The following CIT variants were observed in gnomAD, a reference collection of about 807,000 sequenced individuals.
The protein encoded by CIT is citron Rho-interacting kinase.
Under a neutral mutation model 272.7 loss-of-function variants are expected in CIT, and 79 were observed. The observed-to-expected ratio is 0.29, with a 90% CI of 0.24 to 0.35. CIT has a LOEUF of 0.35. Ranked by LOEUF, CIT falls within the 10% of genes least tolerant of loss-of-function variation. The pLI is 1.00. For synonymous variants in CIT, 948 were observed against 995.6 expected (o/e 0.95, Z 0.90); for missense variants, 1,909 against 2,618.3 (o/e 0.73, Z 5.91).
chr12:119,718,120 G>C lies in CIT; in HGVS notation c.4168+125C>G. ...CTCCCAAAGTGCTGGGGTTACAGGT[G>C]TGAGCCACCGTGCCTGGCCAAGACT... On this transcript the variant is annotated intron_variant, in intron 32 of 47. Coordinates refer to ENST00000392521, the MANE Select transcript of CIT (RefSeq NM_001206999.2). This position sits in a 1 kb window ranked among gnomAD's most constrained non-coding sequence, Gnocchi z 4.8. 1 of 1,137,028 alleles carries C rather than the reference G, an allele frequency of 8.8e-7. No individual in the cohort carries two copies. Among genetic ancestry groups the C allele is most frequent in the South Asian group, 1.6e-5 (1 of 62,006 alleles). 70.4% of individuals were successfully genotyped at this position (1,137,028 alleles called of 1,614,324 possible).
At chr12:119,794,996 C>CAGCCCACGTCTGTCTGATTCCAA (rs1209632503) in intron 10 of CIT, among the ~76,000 whole-genome samples, 1 of 152,214 alleles carries the variant, frequency 6.6e-6, no homozygotes, top group Non-Finnish European at 1.5e-5. Context: ...ACCCTGAGTT[C>CAGCCCACGTCTGTCTGATTCCAA]AGCCCACGTC....
intron 13 of CIT, among the ~76,000 whole-genome samples, chr12:119,778,649 C>G (rs183097732): frequency 6.6e-5 from 10 of 152,080 alleles, no homozygotes; most frequent in South Asian, 2.1e-4. Context: ...GACGCCCCCC[C>G]CCCAGAGCAT....
intron 2 of CIT, among the ~76,000 whole-genome samples, chr12:119,870,527 G>A (rs1950638762): frequency 8.4e-6 from 1 of 119,566 alleles, no homozygotes; most frequent in Non-Finnish European, 1.6e-5. Flanking sequence ...TCCAGCCTAG[G>A]CAACACAGTG....
Position 119,718,375 on chromosome 12 carries a change from T to G in CIT, c.4038A>C (p.Pro1346=). ...GCTGCCTCGCGGTGGCTGGCGTGGA[T>G]GGGTGTGGGTGGTCCGTTGCTTTGC... The part of the protein sequence containing the change: ...AHRKATDHPH[P]STPATARQQI... Residue 1346 remains proline (P), a synonymous_variant, in exon 32 of 48, where the codon CCA becomes CCC. Transcript: ENST00000392521. The surrounding 1 kb of genome is among the most constrained non-coding windows in gnomAD (Gnocchi z 4.8). 1 of 1,613,668 alleles carries G rather than the reference T, an allele frequency of 6.2e-7. No homozygotes were observed. Among genetic ancestry groups the G allele is most frequent in the Middle Eastern group, 1.7e-4 (1 of 5,976 alleles).
At chr12:119,703,758 C>A (rs1042745697) in intron 41 of CIT, among the ~76,000 whole-genome samples, 2 of 152,046 alleles carry the variant, frequency 1.3e-5, no homozygotes, top group Non-Finnish European at 1.5e-5. Flanking sequence ...CATGAAAGCA[C>A]CAGAAATATA....
intron 3 of CIT, among the ~76,000 whole-genome samples, chr12:119,863,965 G>A (rs996212209): frequency 8.6e-5 from 13 of 152,028 alleles, no homozygotes; most frequent in African/African-American, 2.2e-4. Flanking sequence ...ATTCGCTGGC[G>A]CCTTGATCTT....
rs1239078759 is a variant in CIT, at chr12:119,708,304, G to A, written c.5086C>T (p.Leu1696=). The A allele has an allele frequency of 1.9e-6, 3 of 1,595,276 alleles. No individual in the cohort carries two copies. Among genetic ancestry groups the A allele is most frequent in the South Asian group, 1.1e-5 (1 of 88,056 alleles). ...LLMIAGEERA[L]CLVDVKKVKQ... is the part of the protein sequence containing the mutation. ...ACTTTCTTCACGTCCACAAGACACA[G>A]TGCCCGCTCTTCTCCTGAACAGGAA... is the stretch of plus-strand genomic sequence containing the variant. The change falls in exon 40 of 48, where the codon CTG becomes TTG. Residue 1696 remains leucine, a synonymous_variant. Coordinates refer to ENST00000392521, the MANE Select transcript of CIT (RefSeq NM_001206999.2).
chr12:119,765,626 A>G, intron 19 of CIT, among the ~76,000 whole-genome samples: 1 of 151,438 alleles, frequency 6.6e-6, no homozygotes, highest in Non-Finnish European at 1.5e-5. Context: ...GCGTGCCACC[A>G]CACCCAGCTA....
Position 119,761,046 on chromosome 12 carries a change from T to C in CIT, c.2314A>G (p.Asn772Asp). The C allele has an allele frequency of 1.2e-6, 2 of 1,612,090 alleles. No individual in the cohort carries two copies. Among genetic ancestry groups the C allele is most frequent in the Non-Finnish European group, 1.7e-6 (2 of 1,178,136 alleles). Residue 772 changes from asparagine to aspartate, a missense_variant, in exon 20 of 48, where the codon AAT becomes GAT. Transcript: ENST00000392521. The part of the protein sequence containing the change: ...HYEEKIKVLD[N>D]QIKKDLADKE... ...TCAGCCAGGTCTTTCTTTATCTGAT[T>C]GTCCAACACCTACAAAAACAAAAGC... is the stretch of plus-strand genomic sequence containing the variant.
At chr12:119,857,999 GAA>G (rs2138310413) in intron 3 of CIT, among the ~76,000 whole-genome samples, 1 of 152,306 alleles carries the variant, frequency 6.6e-6, no homozygotes, top group East Asian at 1.9e-4. Flanking sequence ...CTTCCTCTCT[GAA>G]GGCTGCAGGG....
At chr12:119,700,863 C>A in intron 43 of CIT, 38 bp from the exon 44 acceptor site, 1 of 1,535,126 alleles carries the variant, frequency 6.5e-7, no homozygotes, top group Non-Finnish European at 9.0e-7. Flanking sequence ...TTAGCACAGC[C>A]AAGAGCAGGG....
At chr12:119,790,652 T>C (rs1258739206) in intron 10 of CIT, among the ~76,000 whole-genome samples, 4 of 152,114 alleles carry the variant, frequency 2.6e-5, no homozygotes, top group African/African-American at 7.2e-5. Context: ...CCATGAGAGA[T>C]ACCTGCAGAC....
At chr12:119,757,325 C>G (rs1321664932) in intron 22 of CIT, 46 bp downstream of exon 22, 12 of 1,607,086 alleles carry the variant, frequency 7.5e-6, no homozygotes, top group South Asian at 1.1e-5. Flanking sequence ...GTTCAGAGCC[C>G]GAATCGCCCA....
chr12:119,691,771 G>A (rs1955964002), intron 46 of CIT, among the ~76,000 whole-genome samples: 1 of 152,200 alleles, frequency 6.6e-6, no homozygotes, highest in African/African-American at 2.4e-5. Context: ...AACACAGAGA[G>A]AACTGAAATG....
intron 8 of CIT, 149 bp downstream of exon 8, chr12:119,825,016 G>T: frequency 1.7e-6 from 1 of 594,658 alleles, no homozygotes; most frequent in Non-Finnish European, 2.9e-6. Flanking sequence ...TAGCCAGGAT[G>T]GTCTCGATCT....
chr12:119,782,482 C>A (rs779690723), intron 13 of CIT, 36 bp downstream of exon 13: 2 of 1,607,982 alleles, frequency 1.2e-6, no homozygotes, highest in Non-Finnish European at 1.7e-6. Flanking sequence ...CCAAGCAAGC[C>A]GAGATGCTGC....
intron 5 of CIT, among the ~76,000 whole-genome samples, chr12:119,848,247 A>G (rs535474832): frequency 1.4e-4 from 21 of 152,324 alleles, no homozygotes; most frequent in Middle Eastern, 3.4e-3. Flanking sequence ...CTCTCCAGGC[A>G]CTGGGTTCTC....
chr12:119,740,999 C>A (rs1451380151), intron 24 of CIT, among the ~76,000 whole-genome samples: 4 of 152,258 alleles, frequency 2.6e-5, no homozygotes, highest in South Asian at 4.2e-4. Context: ...GGGATATGTT[C>A]ACCAGACGTA....
At chr12:119,758,782 C>G in intron 20 of CIT, 82 bp from the exon 21 acceptor site, 1 of 927,386 alleles carries the variant, frequency 1.1e-6, no homozygotes, top group Non-Finnish European at 1.8e-6. Flanking sequence ...AAAGTTTCAT[C>G]TGAAATGACG....
Sources: gnomAD v4.1 joint callset for allele counts (sites outside exome capture counted in the v4.1 genomes callset) on GRCh38, gnomAD v4.1.1 for gene constraint, Gnocchi (gnomAD v3.1) non-coding constraint, MANE v1.5 for transcripts, NCBI Gene and HGNC (gene_info 2026-07-23, HGNC 2026-07-21) for gene names.